Variants in BCL2L14 observed in about 807,000 individuals in gnomAD.
BCL2L14 encodes the protein BCL2 like 14.
BCL2L14 carries 27 observed loss-of-function variants against 35.3 expected under a neutral mutation model. The observed-to-expected ratio is 0.76, with a 90% CI of 0.56 to 1.05. The LOEUF is 1.05. BCL2L14 is among the 50% of genes least tolerant of loss of function. The pLI, the probability that BCL2L14 is intolerant of heterozygous loss-of-function variation, is 0.00. For synonymous variants in BCL2L14, 139 were observed against 145.9 expected, an observed-to-expected ratio of 0.95 and a Z score of 0.34; for missense variants, 377 against 382.6, an observed-to-expected ratio of 0.99 and a Z score of 0.12.
intron 5 of BCL2L14, among the ~76,000 whole-genome samples, chr12:12,097,385 T>C (rs548334066): frequency 7.2e-5 from 11 of 152,300 alleles, no homozygotes; most frequent in South Asian, 4.1e-4. Context: ...CAAGTATTGA[T>C]ACATGGATGA....
intron 2 of BCL2L14, among the ~76,000 whole-genome samples, chr12:12,053,825 C>T (rs1948393254): frequency 6.6e-6 from 1 of 152,196 alleles, no homozygotes; most frequent in Non-Finnish European, 1.5e-5. Context: ...CACCTAAAAA[C>T]CCCTAAATGC....
intron 2 of BCL2L14, among the ~76,000 whole-genome samples, chr12:12,059,765 T>C (rs2961547): frequency 0.99 from 150,152 of 152,190 alleles, 74,110 homozygotes; most frequent in Non-Finnish European, 1. Flanking sequence ...AAAATCTAAG[T>C]GTCTTATTTT....
chr12:12,063,124 A>G (rs1948550151), intron 2 of BCL2L14, among the ~76,000 whole-genome samples: 3 of 151,312 alleles, frequency 2.0e-5, no homozygotes, highest in Admixed American at 2.0e-4. Context: ...TGTCATCCCT[A>G]CTATCTTCTG....
chr12:12,097,001 G>T (rs938350287), intron 5 of BCL2L14, among the ~76,000 whole-genome samples: 1 of 152,194 alleles, frequency 6.6e-6, no homozygotes, highest in East Asian at 1.9e-4. Context: ...AAAATTAGCC[G>T]GGCATGGTGG....
intron 3 of BCL2L14, 22 bp from the exon 4 acceptor site, chr12:12,090,753 GAAAT>G: frequency 6.3e-7 from 1 of 1,596,490 alleles, no homozygotes; most frequent in East Asian, 2.3e-5. Context: ...TCTCTTAAAA[GAAAT>G]AACTGGAATT....
intron 1 of BCL2L14, among the ~76,000 whole-genome samples, chr12:12,076,986 G>A (rs1198615755): frequency 9.2e-5 from 14 of 152,150 alleles, no homozygotes; most frequent in East Asian, 3.8e-4. Context: ...TGAGCCAGCC[G>A]TGGCTATCCA....
chr12:12,055,535 A>G (rs1379099159), intron 2 of BCL2L14: 1 of 152,244 alleles, frequency 6.6e-6, no homozygotes, highest in African/African-American at 2.4e-5. Context: ...AGCCACCTGC[A>G]GTCCTCGGAT....
chr12:12,096,109 G>T, intron 5 of BCL2L14: 1 of 985,278 alleles, frequency 1.0e-6, no homozygotes. Context: ...CTCAAAGGCT[G>T]CACAGTCTCT....
chr12:12,077,580 C>G (rs904652379), intron 1 of BCL2L14: 4 of 149,310 alleles, frequency 2.7e-5, no homozygotes, highest in Non-Finnish European at 5.9e-5. Flanking sequence ...AGGACAACAG[C>G]TGAACTAGAA....
chr12:12,073,944 G>A (rs546291975), intron 1 of BCL2L14, among the ~76,000 whole-genome samples: 60 of 152,228 alleles, frequency 3.9e-4, no homozygotes, highest in African/African-American at 1.3e-3. Context: ...CTGCTTGCAC[G>A]CACCTCAGGT....
intron 3 of BCL2L14, 62 bp downstream of exon 3, chr12:12,087,448 T>C: frequency 6.4e-7 from 1 of 1,565,862 alleles, no homozygotes; most frequent in Non-Finnish European, 8.7e-7. Flanking sequence ...ATTTGTGTAT[T>C]TATCCATCCC....
Position 12,094,778 on chromosome 12 carries a change from G to T in BCL2L14, c.793G>T (p.Val265Phe), listed in dbSNP as rs1354128729. 1.9e-6 allele frequency: 3 copies of T among 1,614,068 alleles called. No homozygotes were observed. The highest frequency in any genetic ancestry group is 2.7e-5 in the African/African-American group (2 of 74,922). The change falls in exon 5 of 6, where the codon GTC becomes TTC. Residue 265 changes from valine (V) to phenylalanine (F), a missense_variant. Val to Phe is a conservative substitution (Grantham distance 50, BLOSUM62 -1). Transcript: ENST00000308721. ...TGTGGACCCCAGGGGAGAATCAGAG[G>T]TCAAAGCTCAGGGCTTTAAGGCTGC... ...MGVDPRGESE[V>F]KAQGFKAALV...
intron 3 of BCL2L14, among the ~76,000 whole-genome samples, chr12:12,090,399 G>A (rs570792998): frequency 1.3e-5 from 2 of 152,304 alleles, no homozygotes; most frequent in Admixed American, 6.5e-5. Context: ...GGAGGCCGAA[G>A]TGGGTGGACC....
At chr12:12,077,971 T>C (rs1948819371) in intron 1 of BCL2L14, 1 of 445,110 alleles carries the variant, frequency 2.2e-6, no homozygotes, top group Non-Finnish European at 4.5e-6. Flanking sequence ...GAGAAGGAGT[T>C]ATTTCATGTA....
chr12:12,052,423 C>G (rs1227581921), intron 2 of BCL2L14, among the ~76,000 whole-genome samples: 1 of 152,190 alleles, frequency 6.6e-6, no homozygotes, highest in East Asian at 1.9e-4. Context: ...CTCTCTACTT[C>G]TATGAGATCA....
At chr12:12,096,432 T>TGAAAA (rs1555095922) in intron 5 of BCL2L14, among the ~76,000 whole-genome samples, 4 of 57,380 alleles carry the variant, frequency 7.0e-5, no homozygotes, top group Admixed American at 3.2e-4. Context: ...ACCAAGAATG[T>TGAAAA]GAAAAAAAAA....
chr12:12,089,140 G>A (rs1305165282), intron 3 of BCL2L14, among the ~76,000 whole-genome samples: 1 of 152,304 alleles, frequency 6.6e-6, no homozygotes, highest in East Asian at 1.9e-4. Flanking sequence ...GCCAAGGCAG[G>A]TGGATCGCCT....
intron 3 of BCL2L14, among the ~76,000 whole-genome samples, chr12:12,090,039 A>G (rs1949145126): frequency 6.6e-6 from 1 of 152,232 alleles, no homozygotes; most frequent in Admixed American, 6.5e-5. Context: ...AGAGTGAAAT[A>G]TAATCAAATA....
intron 1 of BCL2L14, among the ~76,000 whole-genome samples, chr12:12,050,568 G>T (rs925744398): frequency 2.7e-4 from 41 of 151,770 alleles, no homozygotes; most frequent in African/African-American, 9.9e-4. Context: ...AAAGGTTTTA[G>T]CCAGAAGCTT....
Sources: allele counts gnomAD v4.1 joint callset (sites outside exome capture counted in the v4.1 genomes callset), GRCh38; gene constraint gnomAD v4.1.1; transcripts MANE v1.5; gene names NCBI Gene and HGNC (gene_info 2026-07-23, HGNC 2026-07-21).